TRIM5: variants seen among roughly 807,000 people sequenced by gnomAD.
TRIM5 encodes the protein tripartite motif-containing protein 5.
In TRIM5, 31 loss-of-function variants were observed where a neutral mutation model predicts 35.6. The observed-to-expected ratio is 0.87, with a 90% CI of 0.65 to 1.18. The LOEUF (loss-of-function observed/expected upper bound fraction) is 1.18, where lower values mean the gene tolerates loss of function less well. TRIM5 is among the 50% of genes most tolerant of loss of function. The probability of loss-of-function intolerance (pLI) is 0.00; values close to 1 mark genes in which losing one functional copy is unlikely to be tolerated. For missense variants in TRIM5, 609 were observed against 591.6 expected (o/e 1.03, Z -0.31); for synonymous variants, 243 against 215.6 (o/e 1.13, Z -1.11).
At chr11:5,641,015 G>A in the TRIM5 span, 1 of 999,760 alleles carries the variant, frequency 1.0e-6, no homozygotes, top group Non-Finnish European at 1.4e-6. Context: ...TTTTTTCTTG[G>A]TGTGTCTAGC....
At chr11:5,626,004 T>C in the TRIM5 span, among the ~76,000 whole-genome samples, 3,229 of 152,358 alleles carry the variant, frequency 0.021, 57 homozygotes, top group Non-Finnish European at 0.026. Context: ...GTGAGCAATT[T>C]GCACCTTGAT....
chr11:5,663,497 C>T lies in TRIM5; in HGVS notation c.*1312G>A. The T allele has an allele frequency of 1.0e-6, 1 of 985,252 alleles. No homozygotes were observed. Among genetic ancestry groups the T allele is most frequent in the South Asian group, 4.7e-5 (1 of 21,284 alleles). 61.0% of individuals were successfully genotyped at this position (985,252 alleles called of 1,614,324 possible). On this transcript the variant is annotated 3_prime_UTR_variant, in exon 8 of 8. Coordinates refer to ENST00000380034, the MANE Select transcript of TRIM5 (RefSeq NM_033034.3). Reference sequence around the variant, plus strand: ...CACAACCTGTTCCATGAGACATTAACAGAGTTTATGTTTTTCAATAATTTG... The same window carrying T: ...CACAACCTGTTCCATGAGACATTAATAGAGTTTATGTTTTTCAATAATTTG...
At chr11:5,606,150 C>T in the TRIM5 span, among the ~76,000 whole-genome samples, 2 of 152,168 alleles carry the variant, frequency 1.3e-5, no homozygotes, top group African/African-American at 4.8e-5. Context: ...CACACTTACG[C>T]CAAGCTAAAT....
chr11:5,673,117 T>C (rs560695360), intron 4 of TRIM5, among the ~76,000 whole-genome samples: 1 of 152,128 alleles, frequency 6.6e-6, no homozygotes, highest in Admixed American at 6.5e-5. Flanking sequence ...AAAACCCAAA[T>C]GAAAAGTCAG....
chr11:5,653,787 G>A, the TRIM5 span, among the ~76,000 whole-genome samples: 4,796 of 152,102 alleles, frequency 0.032, 171 homozygotes, highest in East Asian at 0.14. Flanking sequence ...CACCACGCCC[G>A]GCTAAAACTG....
chr11:5,666,108 CT>C, intron 5 of TRIM5, 27 bp from the exon 6 acceptor site: 2 of 1,022,580 alleles, frequency 2.0e-6, no homozygotes, highest in South Asian at 2.9e-5. Context: ...AAAAAAAAAA[CT>C]TCCAAACCTT....
At chr11:5,631,093 G>A in the TRIM5 span, among the ~76,000 whole-genome samples, 1 of 152,102 alleles carries the variant, frequency 6.6e-6, no homozygotes, top group Non-Finnish European at 1.5e-5. Flanking sequence ...ATCTGACATT[G>A]GTATGAATCT....
At chr11:5,643,184 T>G in the TRIM5 span, 2 of 1,593,782 alleles carry the variant, frequency 1.3e-6, no homozygotes, top group Non-Finnish European at 1.7e-6. Context: ...ATTTGAATCT[T>G]GTCCTTTCAG....
At chr11:5,682,386 C>A (rs533538002) in intron 1 of TRIM5, among the ~76,000 whole-genome samples, 1 of 152,074 alleles carries the variant, frequency 6.6e-6, no homozygotes, top group Non-Finnish European at 1.5e-5. Context: ...GAGGGAGGAG[C>A]AAGGTTAATG....
At chr11:5,666,235 CA>C in intron 5 of TRIM5, 154 bp from the exon 6 acceptor site, 1 of 705,290 alleles carries the variant, frequency 1.4e-6, no homozygotes, top group Non-Finnish European at 2.5e-6. Context: ...ACCCTGGAGG[CA>C]AACAAAATGT....
At chr11:5,682,967 C>T (rs1370751989) in intron 1 of TRIM5, among the ~76,000 whole-genome samples, 2 of 152,202 alleles carry the variant, frequency 1.3e-5, no homozygotes, top group Non-Finnish European at 2.9e-5. Flanking sequence ...GAGCGGGAAC[C>T]GGGGCTGCGC....
the TRIM5 span, among the ~76,000 whole-genome samples, chr11:5,599,443 G>A: frequency 2.7e-5 from 4 of 150,378 alleles, no homozygotes; most frequent in East Asian, 3.9e-4. Flanking sequence ...TCGCTCTGTC[G>A]CCCAGGCTGG....
Position 5,684,921 on chromosome 11 carries a change from TC to T in TRIM5, c.-116del, listed in dbSNP as rs1669943345. On this transcript the variant is annotated 5_prime_UTR_variant, in exon 1 of 8. Transcript: ENST00000380034. The stretch of plus-strand genomic sequence containing the variant: ...CTTCCTACTTCTGCCCTCCACAAAA[TC>T]ACTCAATACACCTTCAGACACCAGT... 6.6e-6 allele frequency: 1 copy of T among 152,186 alleles called. No individual in the cohort carries two copies. The highest frequency in any genetic ancestry group is 1.5e-5 in the Non-Finnish European group (1 of 68,052). The allele number at this position is 152,186 out of a possible 1,614,324, so 9.4% of individuals were successfully genotyped here.
the TRIM5 span, chr11:5,633,946 A>T: frequency 1.2e-6 from 2 of 1,602,540 alleles, 1 homozygote; most frequent in South Asian, 2.2e-5. Context: ...TCTTGACAGG[A>T]CCTTAATCCA....
At chr11:5,610,718 C>A in the TRIM5 span, 4 of 1,587,072 alleles carry the variant, frequency 2.5e-6, no homozygotes, top group South Asian at 1.2e-5. Context: ...TTCCTCTTCT[C>A]AGCATAACGA....
the TRIM5 span, among the ~76,000 whole-genome samples, chr11:5,622,491 G>A: frequency 1.5e-5 from 2 of 137,756 alleles, no homozygotes; most frequent in Non-Finnish European, 3.1e-5. Flanking sequence ...ACGTGGTGGC[G>A]CATGCCTGTA....
chr11:5,615,686 T>A, the TRIM5 span, among the ~76,000 whole-genome samples: 1 of 151,348 alleles, frequency 6.6e-6, no homozygotes, highest in Admixed American at 6.6e-5. Context: ...CTCTGCCTCC[T>A]GGGTTTAAGT....
At chr11:5,611,355 T>A in the TRIM5 span, 72 of 1,597,232 alleles carry the variant, frequency 4.5e-5, no homozygotes, top group Non-Finnish European at 5.7e-5. Flanking sequence ...ATTCTTCTGT[T>A]CCCACCCACT....
the TRIM5 span, chr11:5,604,536 G>T: frequency 1.7e-4 from 269 of 1,610,040 alleles, no homozygotes; most frequent in African/African-American, 3.3e-3. Flanking sequence ...TCTTCAAGGA[G>T]AAGTTTCAGG....
Sources: allele counts gnomAD v4.1 joint callset (sites outside exome capture counted in the v4.1 genomes callset), GRCh38; gene constraint gnomAD v4.1.1; transcripts MANE v1.5; gene names NCBI Gene and HGNC (gene_info 2026-07-23, HGNC 2026-07-21).